Variants in RELT observed in about 807,000 individuals in gnomAD.
RELT encodes the protein RELT TNF receptor.
A neutral mutation model predicts 51.1 loss-of-function variants in RELT; 37 were observed. The ratio of observed to expected loss-of-function variants is 0.72; its 90% confidence interval spans 0.56 to 0.95. RELT has a LOEUF of 0.95. Ranked by LOEUF, RELT falls within the 40% of genes least tolerant of loss-of-function variation. The pLI, the probability that RELT is intolerant of heterozygous loss-of-function variation, is 0.00. For missense variants in RELT, 535 were observed against 572.6 expected (o/e 0.93, Z 0.67); for synonymous variants, 241 against 235.7 (o/e 1.02, Z -0.21).
At position 73,394,494 on chromosome 11, in the gene RELT, C is replaced by T. The variant is rs569046847; in HGVS notation, c.806C>T (p.Pro269Leu). 5.0e-6 allele frequency: 8 copies of T among 1,609,998 alleles called. No homozygotes were observed. The highest frequency in any genetic ancestry group is 1.7e-5 in the Admixed American group (1 of 59,986). The change falls in exon 9 of 11, where the codon CCG becomes CTG. Residue 269 changes from proline to leucine, a missense_variant. Transcript: ENST00000064780. The surrounding 1 kb of genome is among the most constrained non-coding windows in gnomAD (Gnocchi z 4.9). ...RPVSKLPPAP[P>L]NVPHICPHRH... ...CCCTGCAGGCTGCCGCCAGCGCCCC[C>T]GAACGTGCCACACATCTGCCCGCAC...
intron 10 of RELT, 25 bp downstream of exon 10, chr11:73,395,310 T>A: frequency 6.2e-7 from 1 of 1,611,110 alleles, no homozygotes; most frequent in Non-Finnish European, 8.5e-7. Flanking sequence ...GAAAGGCATC[T>A]GTTGGCACCT....
chr11:73,385,049 C>G (rs1051074591), intron 1 of RELT, among the ~76,000 whole-genome samples: 1 of 151,912 alleles, frequency 6.6e-6, no homozygotes, highest in African/African-American at 2.4e-5. Flanking sequence ...CGACGCCATC[C>G]TGAGGGTGGT....
chr11:73,385,952 A>C (rs1866116871), intron 1 of RELT, among the ~76,000 whole-genome samples: 1 of 152,220 alleles, frequency 6.6e-6, no homozygotes, highest in South Asian at 2.1e-4. Flanking sequence ...GGATCACTTA[A>C]AAGTTCAAAG....
intron 1 of RELT, among the ~76,000 whole-genome samples, chr11:73,385,231 T>G (rs1246186659): frequency 6.7e-6 from 1 of 150,162 alleles, no homozygotes. Flanking sequence ...GGAGGGGGAG[T>G]GGCGTGGCAG....
chr11:73,395,023 G>C (rs1039480532), intron 9 of RELT, 64 bp from the exon 10 acceptor site: 1 of 1,412,438 alleles, frequency 7.1e-7, no homozygotes. Flanking sequence ...CCCCGGGCAC[G>C]TGCTGCCTTC....
At chr11:73,384,574 T>C (rs997302661) in intron 1 of RELT, 2 of 152,454 alleles carry the variant, frequency 1.3e-5, no homozygotes, top group Admixed American at 6.5e-5. Context: ...ACAGAGCCAG[T>C]GCAAGACAGA....
At chr11:73,393,773 A>T in intron 6 of RELT, 64 bp from the exon 7 acceptor site, 1 of 1,583,810 alleles carries the variant, frequency 6.3e-7, no homozygotes, top group Non-Finnish European at 8.7e-7. Context: ...CTGGCAGATC[A>T]TGGTTTAGCT....
Position 73,392,381 on chromosome 11 carries a change from A to G in RELT, c.538A>G (p.Ile180Val), listed in dbSNP as rs946624319. The G allele has an allele frequency of 1.2e-5, 19 of 1,613,828 alleles. No individual in the cohort carries two copies. Among genetic ancestry groups the G allele is most frequent in the Non-Finnish European group, 1.6e-5 (19 of 1,179,922 alleles). Reference sequence around the variant, plus strand: ...CTTCTGCCTCATGGGGCTGTTGGGCATCCTGGTGTGCAACCTCCTCAAGCG... The same window carrying G: ...CTTCTGCCTCATGGGGCTGTTGGGCGTCCTGGTGTGCAACCTCCTCAAGCG... Reference protein sequence around the residue: ...PVFCLMGLLGILVCNLLKRKG... With the variant: ...PVFCLMGLLGVLVCNLLKRKG... Residue 180 changes from isoleucine (I) to valine (V), a missense_variant, in exon 6 of 11, where the codon ATC (isoleucine) becomes GTC (valine). Transcript: ENST00000064780.
rs770629800 is a variant in RELT at position 73,392,418 on chromosome 11, A to G, written c.575A>G (p.His192Arg). 1 of 1,613,670 alleles carries G rather than the reference A, an allele frequency of 6.2e-7. No individual in the cohort carries two copies. Residue 192 changes from histidine to arginine, a missense_variant, in exon 6 of 11, where the codon CAC (histidine) becomes CGC (arginine). Physicochemically the swap from His to Arg is conservative, Grantham distance 29. Transcript: ENST00000064780. ...VCNLLKRKGY[H>R]CTAHKEVGPG... The stretch of plus-strand genomic sequence containing the variant: ...AACCTCCTCAAGCGGAAGGGCTACC[A>G]CTGCACGGCGCACAAGGAGGTCGGG...
At chr11:73,389,716 A>G (rs919318494) in intron 2 of RELT, among the ~76,000 whole-genome samples, 1 of 152,138 alleles carries the variant, frequency 6.6e-6, no homozygotes, top group Non-Finnish European at 1.5e-5. Flanking sequence ...AAGCTCAGGG[A>G]GGGTGAGACT....
rs774405724 is a variant in RELT at position 73,392,274 on chromosome 11, C to T, written c.431C>T (p.Thr144Ile). ...VAAGASSGGE[T>I]RQPGNGTRAG... ...GCAGGGGCCAGCAGCGGTGGTGAGA[C>T]ACGGCAGCCTGGGAACGGCACCCGG... is the stretch of plus-strand genomic sequence containing the variant. The change falls in exon 6 of 11, where the codon ACA (threonine) becomes ATA (isoleucine). Residue 144 changes from threonine to isoleucine, a missense_variant. Physicochemically the swap from Thr to Ile is moderately conservative, Grantham distance 89. Coordinates refer to ENST00000064780, the MANE Select transcript of RELT (RefSeq NM_152222.2). 1 of 1,612,998 alleles carries T rather than the reference C, an allele frequency of 6.2e-7. No homozygotes were observed. The highest frequency in any genetic ancestry group is 1.1e-5 in the South Asian group (1 of 91,066).
rs1393537723 is a variant in RELT, at chr11:73,394,099, G to A, written c.707-137G>A. The A allele has an allele frequency of 5.2e-6, 5 of 969,090 alleles. No individual in the cohort carries two copies. Among genetic ancestry groups the A allele is most frequent in the Non-Finnish European group, 7.9e-6 (5 of 631,652 alleles). The allele number at this position is 969,090 out of a possible 1,614,324, so 60.0% of individuals were successfully genotyped here. A position where few individuals can be genotyped will look rare whatever the true frequency, so the allele number is the denominator to read the frequency against. On this transcript the variant is annotated intron_variant, in intron 7 of 10. Transcript: ENST00000064780. The surrounding 1 kb of genome is among the most constrained non-coding windows in gnomAD (Gnocchi z 4.9). ...CCTCTGCCTCCCATTCTTGCCTGAT[G>A]AAGTGGGAGGAAAAGGCGCACAGCC...
chr11:73,395,058 C>T (rs1369267856), intron 9 of RELT, 29 bp from the exon 10 acceptor site: 14 of 1,583,470 alleles, frequency 8.8e-6, no homozygotes, highest in East Asian at 4.5e-5. Context: ...TCCCCGCTAA[C>T]GGGGATGATT....
chr11:73,384,994 A>G (rs1459849055), intron 1 of RELT, among the ~76,000 whole-genome samples: 1 of 151,030 alleles, frequency 6.6e-6, no homozygotes, highest in East Asian at 1.9e-4. Flanking sequence ...GAAAGCACTC[A>G]GCGTGGCAGG....
chr11:73,393,785 A>G, intron 6 of RELT, 52 bp from the exon 7 acceptor site: 1 of 1,588,408 alleles, frequency 6.3e-7, no homozygotes, highest in Non-Finnish European at 8.6e-7. Flanking sequence ...GGTTTAGCTC[A>G]GGAGTGCGGC....
intron 1 of RELT, among the ~76,000 whole-genome samples, chr11:73,385,982 T>C (rs1866117380): frequency 6.6e-6 from 1 of 152,234 alleles, no homozygotes; most frequent in Non-Finnish European, 1.5e-5. Flanking sequence ...GCTGTGATCG[T>C]GCTACTGCAG....
chr11:73,385,607 G>T (rs938842344), intron 1 of RELT, among the ~76,000 whole-genome samples: 68 of 152,292 alleles, frequency 4.5e-4, no homozygotes, highest in African/African-American at 1.6e-3. Context: ...ACTGTCTGGT[G>T]GGGGAGCAAG....
In RELT at chr11:73,389,112, G is replaced by A; in HGVS notation, c.-25G>A. ...CGAGCCTCCTCTCCATCTGCCCTAG[G>A]CCGGCGACCACCAGGGGCCTGAGGA... is the stretch of plus-strand genomic sequence containing the variant. On this transcript the variant is annotated splice_region_variant and 5_prime_UTR_variant, in exon 2 of 11. Transcript: ENST00000064780. 6.5e-7 allele frequency: 1 copy of A among 1,533,184 alleles called. No homozygotes were observed. Among genetic ancestry groups the A allele is most frequent in the South Asian group, 1.2e-5 (1 of 83,836 alleles). The allele number at this position is 1,533,184 out of a possible 1,614,324, so 95.0% of individuals were successfully genotyped here. A position where few individuals can be genotyped will look rare whatever the true frequency, so the allele number is the denominator to read the frequency against.
chr11:73,391,218 G>T lies in RELT; in HGVS notation c.362G>T (p.Cys121Phe). ...TGGGCACCTCTGGGTACTCATGGCT[G>T]TGATGGTGAGTGGCAGACTGGGGCT... is the stretch of plus-strand genomic sequence containing the variant. Reference protein sequence around the residue: ...CSWAPLGTHGCDEWGRRARRG... With the variant: ...CSWAPLGTHGFDEWGRRARRG... Residue 121 changes from cysteine (C) to phenylalanine (F), a missense_variant, in exon 5 of 11, where the codon TGT becomes TTT. Physicochemically the swap from Cys to Phe is radical, Grantham distance 205. Coordinates refer to ENST00000064780, the MANE Select transcript of RELT (RefSeq NM_152222.2). 1 of 1,613,676 alleles carries T rather than the reference G, an allele frequency of 6.2e-7. No homozygotes were observed. Among genetic ancestry groups the T allele is most frequent in the Non-Finnish European group, 8.5e-7 (1 of 1,179,726 alleles).
Sources: allele counts gnomAD v4.1 joint callset (sites outside exome capture counted in the v4.1 genomes callset), GRCh38; gene constraint gnomAD v4.1.1; non-coding constraint Gnocchi (gnomAD v3.1); transcripts MANE v1.5; gene names NCBI Gene and HGNC (gene_info 2026-07-23, HGNC 2026-07-21).